The following ZNF395 variants were observed in gnomAD, a reference collection of about 807,000 sequenced individuals.
ZNF395 encodes HD gene regulatory region-binding protein 2.
ZNF395 carries 20 observed loss-of-function variants against 57.7 expected under a neutral mutation model. The ratio of observed to expected loss-of-function variants is 0.35; its 90% confidence interval spans 0.24 to 0.50. The LOEUF is 0.50. Ranked by LOEUF, ZNF395 falls within the 20% of genes least tolerant of loss-of-function variation. ZNF395 has a pLI of 0.97. For missense variants in ZNF395, 606 were observed against 671.2 expected, an observed-to-expected ratio of 0.90 and a Z score of 1.07; for synonymous variants, 295 against 275.9, an observed-to-expected ratio of 1.07 and a Z score of -0.69.
At chr8:28,370,450 T>A (rs1801963944) in intron 1 of ZNF395, among the ~76,000 whole-genome samples, 2 of 152,194 alleles carry the variant, frequency 1.3e-5, no homozygotes, top group South Asian at 4.1e-4. Context: ...ACTGTGGGCA[T>A]GAGAATGAGT....
intron 9 of ZNF395, 118 bp from the exon 10 acceptor site, chr8:28,348,948 C>CA: frequency 8.1e-7 from 1 of 1,235,694 alleles, no homozygotes; most frequent in Non-Finnish European, 1.2e-6. Context: ...CAAAAGTCAC[C>CA]AGGACCAGGG....
rs772210875 is a variant in ZNF395, at chr8:28,353,169, G to A, written c.819+4C>T. 42 of 1,613,194 alleles carry A rather than the reference G, an allele frequency of 2.6e-5. No homozygotes were observed. The highest frequency in any genetic ancestry group is 1.7e-4 in the Middle Eastern group (1 of 6,058). On this transcript the variant is annotated splice_donor_region_variant and intron_variant, in intron 5 of 9. Coordinates refer to ENST00000344423, the MANE Select transcript of ZNF395 (RefSeq NM_018660.3). ...GGGCTCCCACTCACACCACAATCAC[G>A]TACCTTTCTTTTTCGTGGAGCTGGT...
At position 28,346,965 on chromosome 8, in the gene ZNF395, A is replaced by G. The variant is rs572614497; in HGVS notation, c.*1754T>C. The G allele has an allele frequency of 6.7e-6, 1 of 149,558 alleles. No homozygotes were observed. Among genetic ancestry groups the G allele is most frequent in the Non-Finnish European group, 1.5e-5 (1 of 67,416 alleles). 9.3% of individuals were successfully genotyped at this position (149,558 alleles called of 1,614,324 possible). ...TACATTTTTTTTTTTTTACTAAGTT[A>G]TAAAAAAAAAAACCCCATCACCAAA... On this transcript the variant is annotated 3_prime_UTR_variant, in exon 10 of 10. Coordinates refer to ENST00000344423, the MANE Select transcript of ZNF395 (RefSeq NM_018660.3).
At chr8:28,381,792 C>T (rs752882744) in intron 1 of ZNF395, among the ~76,000 whole-genome samples, 13 of 152,104 alleles carry the variant, frequency 8.5e-5, no homozygotes, top group Non-Finnish European at 1.6e-4. Context: ...CAGCCAGAAG[C>T]GGAAAATGGA....
intron 1 of ZNF395, among the ~76,000 whole-genome samples, chr8:28,367,836 G>A (rs537707417): frequency 8.9e-4 from 136 of 152,162 alleles, no homozygotes; most frequent in Non-Finnish European, 1.4e-3. Context: ...CAAGAAAAAC[G>A]TGTTATAAGA....
At chr8:28,357,423 A>T (rs1419736353) in intron 3 of ZNF395, among the ~76,000 whole-genome samples, 1 of 152,252 alleles carries the variant, frequency 6.6e-6, no homozygotes, top group Non-Finnish European at 1.5e-5. Context: ...AGAGTTCTAT[A>T]AAATGTTACA....
At chr8:28,366,841 G>A (rs1396845746) in intron 1 of ZNF395, among the ~76,000 whole-genome samples, 1 of 146,458 alleles carries the variant, frequency 6.8e-6, no homozygotes, top group East Asian at 2.0e-4. Context: ...AAGACACTTC[G>A]CTAAGCATAC....
chr8:28,348,746 C>T lies in ZNF395; in HGVS notation c.1515G>A (p.Lys505=). Residue 505 remains lysine (K), a synonymous_variant, in exon 10 of 10, where the codon AAG becomes AAA. Transcript: ENST00000344423. ...AGTCCAGAAAGCGCTGGCAGGCCTT[C>T]TTCCACCGGCAGGCCGTGCACCACT... is the stretch of plus-strand genomic sequence containing the variant. ...RDQWCTACRW[K]KACQRFLD is the part of the protein sequence containing the mutation. 3.7e-6 allele frequency: 6 copies of T among 1,614,150 alleles called. No individual in the cohort carries two copies. Among genetic ancestry groups the T allele is most frequent in the Non-Finnish European group, 5.1e-6 (6 of 1,180,040 alleles).
intron 1 of ZNF395, among the ~76,000 whole-genome samples, chr8:28,370,940 T>C (rs1801968955): frequency 6.6e-6 from 1 of 152,208 alleles, no homozygotes; most frequent in African/African-American, 2.4e-5. Context: ...TGATGTGCAT[T>C]CAGGAATGTT....
intron 1 of ZNF395, among the ~76,000 whole-genome samples, chr8:28,376,854 G>T (rs1802048295): frequency 6.6e-6 from 1 of 152,088 alleles, no homozygotes; most frequent in Admixed American, 6.5e-5. Context: ...ATCTAAAACT[G>T]CCATTTGTTA....
Position 28,356,684 on chromosome 8 carries a change from T to A in ZNF395, c.569A>T (p.Glu190Val), listed in dbSNP as rs1185122883. ...CGCTTGCTCACCAGAGAAGTTGGCC[T>A]CGGTCCCGGGAGGACTCTGTACAAC... ...SPVVQSPPGT[E>V]ANFSASRAAC... The change falls in exon 4 of 10, where the codon GAG becomes GTG. Residue 190 changes from glutamate to valine, a missense_variant. By Grantham distance (121) the Glu-to-Val change is moderately radical. Coordinates refer to ENST00000344423, the MANE Select transcript of ZNF395 (RefSeq NM_018660.3). This position sits in a 1 kb window ranked among gnomAD's most constrained non-coding sequence, Gnocchi z 4.0. 1.2e-6 allele frequency: 2 copies of A among 1,613,902 alleles called. No individual in the cohort carries two copies. Among genetic ancestry groups the A allele is most frequent in the Non-Finnish European group, 1.7e-6 (2 of 1,179,944 alleles).
At chr8:28,372,517 C>G (rs1801989714) in intron 1 of ZNF395, among the ~76,000 whole-genome samples, 2 of 152,172 alleles carry the variant, frequency 1.3e-5, no homozygotes, top group Admixed American at 1.3e-4. Context: ...TGCAAGAGCT[C>G]TATGGAAACA....
intron 1 of ZNF395, among the ~76,000 whole-genome samples, chr8:28,366,271 C>T (rs915906477): frequency 1.3e-5 from 2 of 152,150 alleles, no homozygotes; most frequent in African/African-American, 4.8e-5. Context: ...TTATTATCTC[C>T]ACCGGGTATC....
chr8:28,376,625 C>CA lies in ZNF395; in HGVS notation c.-59+9767dup, dbSNP rs559439042. ...AACAGAGCAAGACTCTGTCTCAAAA[C>CA]AAAAAAAAAAGGCATGTTAGCCCAA... On this transcript the variant is annotated intron_variant, in intron 1 of 9. Transcript: ENST00000344423. Among the ~76,000 whole-genome samples, 64 of 145,310 alleles carry CA rather than the reference C, an allele frequency of 4.4e-4. 1 individual carries two copies. In the South Asian group the frequency reaches 7.4e-3, roughly 17 times the overall value.
chr8:28,382,360 C>T (rs1802119746), intron 1 of ZNF395, among the ~76,000 whole-genome samples: 1 of 152,128 alleles, frequency 6.6e-6, no homozygotes, highest in South Asian at 2.1e-4. Context: ...CAACCTTTGC[C>T]CTATATGTGA....
rs1471567868 is a variant in ZNF395, at chr8:28,361,082, G to A, written c.43C>T (p.Leu15=). Residue 15 remains leucine (L), a synonymous_variant, in exon 2 of 10, where the codon CTG becomes TTG. Transcript: ENST00000344423. The part of the protein sequence containing the change: ...LSRRLGKRSL[L]GARVLGPSAS... Reference sequence around the variant, plus strand: ...CTGGGTCCCAACACCCGGGCTCCCAGGAGGGACCGCTTTCCAAGGCGTCGG... The same window carrying A: ...CTGGGTCCCAACACCCGGGCTCCCAAGAGGGACCGCTTTCCAAGGCGTCGG... 6.2e-7 allele frequency: 1 copy of A among 1,612,752 alleles called. No individual in the cohort carries two copies.
intron 1 of ZNF395, among the ~76,000 whole-genome samples, chr8:28,382,344 G>A (rs1585867535): frequency 1.3e-5 from 2 of 152,026 alleles, no homozygotes; most frequent in Admixed American, 6.6e-5. Context: ...CCTGGCCACC[G>A]GTTTACAACC....
chr8:28,351,803 T>C lies in ZNF395; in HGVS notation c.925A>G (p.Thr309Ala), dbSNP rs1801716475. Residue 309 changes from threonine (T) to alanine (A), a missense_variant, in exon 7 of 10, where the codon ACA (threonine) becomes GCA (alanine). Around this residue, in one of 3 missense-constraint regions of ZNF395, gnomAD observed 261 missense variants for 240.3 expected, o/e 1.09. Coordinates refer to ENST00000344423, the MANE Select transcript of ZNF395 (RefSeq NM_018660.3). ...CGCTTGAACTGATCAGAGTCCACTG[T>C]GTCCCTGTGTGGGAGGGAGATGCGG... ...RHVKALHLGD[T>A]VDSDQFKREE... 9.7e-6 allele frequency: 15 copies of C among 1,542,904 alleles called. No homozygotes were observed. The highest frequency in any genetic ancestry group is 1.3e-5 in the Non-Finnish European group (15 of 1,146,380).
chr8:28,373,239 G>A (rs1040133688), intron 1 of ZNF395, among the ~76,000 whole-genome samples: 6 of 152,176 alleles, frequency 3.9e-5, no homozygotes, highest in African/African-American at 1.2e-4. Flanking sequence ...GCCCACAACC[G>A]GCCACAAAGC....
Sources: gnomAD v4.1 joint callset for allele counts (sites outside exome capture counted in the v4.1 genomes callset) on GRCh38, gnomAD v4.1.1 for gene constraint, gnomAD v4.1.1 regional missense constraint, Gnocchi (gnomAD v3.1) non-coding constraint, MANE v1.5 for transcripts, NCBI Gene and HGNC (gene_info 2026-07-23, HGNC 2026-07-21) for gene names.